Variants in SNX25 observed in about 807,000 individuals in gnomAD.
The protein encoded by SNX25 is sorting nexin 25.
Under a neutral mutation model 113.7 loss-of-function variants are expected in SNX25, and 62 were observed. The observed-to-expected ratio is 0.55, with a 90% CI of 0.44 to 0.67. SNX25 has a LOEUF of 0.67. SNX25 is among the 30% of genes least tolerant of loss of function. The probability of loss-of-function intolerance (pLI) is 0.00; values close to 1 mark genes in which losing one functional copy is unlikely to be tolerated. For synonymous variants in SNX25, 421 were observed against 436.2 expected (o/e 0.97, Z 0.43); for missense variants, 1,014 against 1,161.0 (o/e 0.87, Z 1.84).
At chr4:185,254,097 G>A (rs1323885818) in intron 2 of SNX25, among the ~76,000 whole-genome samples, 1 of 152,142 alleles carries the variant, frequency 6.6e-6, no homozygotes, top group Non-Finnish European at 1.5e-5. Flanking sequence ...GTGGCACAGA[G>A]GAAGCAAGGC....
At chr4:185,286,815 A>G (rs1560970369) in intron 5 of SNX25, among the ~76,000 whole-genome samples, 1 of 152,218 alleles carries the variant, frequency 6.6e-6, no homozygotes, top group Non-Finnish European at 1.5e-5. Flanking sequence ...TCAGCCACTG[A>G]TGTTTATATT....
At chr4:185,367,032 C>T (rs547679344), downstream of SNX25, 64 of 725,808 alleles carry the variant, frequency 8.8e-5, no homozygotes, top group East Asian at 5.2e-5. Flanking sequence ...TAACAGCGTA[C>T]GAATTCAAGA....
chr4:185,222,362 G>T (rs1188183043), intron 1 of SNX25, among the ~76,000 whole-genome samples: 2 of 151,946 alleles, frequency 1.3e-5, no homozygotes, highest in Admixed American at 6.6e-5. Context: ...CAGGTATTCA[G>T]TGCCATATAC....
intron 5 of SNX25, among the ~76,000 whole-genome samples, chr4:185,272,483 G>C (rs1749082905): frequency 6.6e-6 from 1 of 152,170 alleles, no homozygotes. Context: ...ATCCTGCAGT[G>C]CATTTGTAAA....
upstream of SNX25, among the ~76,000 whole-genome samples, chr4:185,207,398 A>T (rs1175301859): frequency 3.3e-5 from 5 of 151,638 alleles, no homozygotes; most frequent in Admixed American, 1.3e-4. Context: ...TTGTATTTTT[A>T]GTAGAGACGG....
Position 185,209,664 on chromosome 4 carries a change from C to A in SNX25, c.-163C>A, listed in dbSNP as rs1407126763. ...CAGCTACGGGCCCAGCGCCTGGTGG[C>A]GGCGCTGAGGGGTCGCCGAGAGGGG... is the stretch of plus-strand genomic sequence containing the variant. On this transcript the variant is annotated 5_prime_UTR_variant, in exon 1 of 19. Coordinates refer to ENST00000652585, the MANE Select transcript of SNX25 (RefSeq NM_001378034.2). This position sits in a 1 kb window ranked among gnomAD's most constrained non-coding sequence, Gnocchi z 5.2. Among the ~76,000 whole-genome samples the A allele has an allele frequency of 6.6e-6, 1 of 151,470 alleles. No individual in the cohort carries two copies. Among genetic ancestry groups the A allele is most frequent in the Non-Finnish European group, 1.5e-5 (1 of 67,794 alleles).
chr4:185,357,154 C>A (rs552839982), intron 15 of SNX25, among the ~76,000 whole-genome samples: 31 of 152,294 alleles, frequency 2.0e-4, no homozygotes, highest in African/African-American at 7.2e-4. Context: ...GCCTCTTCAC[C>A]ATTCACTTAT....
At chr4:185,233,673 T>C (rs377147505) in intron 1 of SNX25, among the ~76,000 whole-genome samples, 2 of 152,294 alleles carry the variant, frequency 1.3e-5, no homozygotes, top group South Asian at 2.1e-4. Flanking sequence ...TATTTTCAAG[T>C]ACATGTTCTG....
At position 185,283,568 on chromosome 4, in the gene SNX25, C is replaced by T. The variant is rs528213772; in HGVS notation, c.1092-4444C>T. ...GATGATCTGGCATTGGCCATACTTACGTACTTAGAAAAACCCTAGAGAAGA... is the reference window on the plus strand; with the variant it reads ...GATGATCTGGCATTGGCCATACTTATGTACTTAGAAAAACCCTAGAGAAGA... On this transcript the variant is annotated intron_variant, in intron 5 of 18. Transcript: ENST00000652585. Among the ~76,000 whole-genome samples the T allele has an allele frequency of 3.1e-4, 47 of 152,206 alleles. No individual in the cohort carries two copies. The East Asian group carries it at 8.9e-3, about 29-fold the overall frequency.
Position 185,259,019 on chromosome 4 carries a change from G to A in SNX25, c.686G>A (p.Arg229Lys). ...AAAGTTGTCTGCAATGATGTTGTGAGGACTTTACTCACTCATTTCTGTGAC... is the reference window on the plus strand; with the variant it reads ...AAAGTTGTCTGCAATGATGTTGTGAAGACTTTACTCACTCATTTCTGTGAC... ...VVKVVCNDVV[R>K]TLLTHFCDLK... The change falls in exon 3 of 19, where the codon AGG (arginine) becomes AAG (lysine). Residue 229 changes from arginine to lysine, a missense_variant. Arg to Lys is a conservative substitution (Grantham distance 26). Coordinates refer to ENST00000652585, the MANE Select transcript of SNX25 (RefSeq NM_001378034.2). The A allele has an allele frequency of 6.2e-7, 1 of 1,614,136 alleles. No homozygotes were observed. The highest frequency in any genetic ancestry group is 8.5e-7 in the Non-Finnish European group (1 of 1,180,022).
chr4:185,323,585 G>C lies in SNX25; in HGVS notation c.1534G>C (p.Glu512Gln). 1 of 1,613,216 alleles carries C rather than the reference G, an allele frequency of 6.2e-7. No individual in the cohort carries two copies. The highest frequency in any genetic ancestry group is 8.5e-7 in the Non-Finnish European group (1 of 1,179,482). ...IYQNFFVESK[E>Q]ISVEKSLYKE... ...TCAGAATTTCTTTGTGGAGAGCAAAGAAATATCTGTGGAAAAATCACTTTA... is the reference window on the plus strand; with the variant it reads ...TCAGAATTTCTTTGTGGAGAGCAAACAAATATCTGTGGAAAAATCACTTTA... Residue 512 changes from glutamate (E) to glutamine (Q), a missense_variant, in exon 9 of 19, where the codon GAA (glutamate) becomes CAA (glutamine). Transcript: ENST00000652585.
upstream of SNX25, among the ~76,000 whole-genome samples, chr4:185,206,385 T>G (rs542574209): frequency 3.3e-5 from 5 of 152,198 alleles, no homozygotes; most frequent in Admixed American, 2.6e-4. Flanking sequence ...GAATGGAAGA[T>G]GTATGCCGGG....
At chr4:185,295,777 T>G (rs148509255) in intron 6 of SNX25, 2 of 152,280 alleles carry the variant, frequency 1.3e-5, no homozygotes, top group African/African-American at 4.8e-5. Context: ...TAATTGATGT[T>G]GTGATGCAAG....
downstream of SNX25, chr4:185,365,671 C>G (rs1472003271): frequency 1.5e-5 from 2 of 134,274 alleles, no homozygotes. Flanking sequence ...GGTCAGGAGA[C>G]TCCGTCTCAA....
At chr4:185,284,591 C>T (rs561290077) in intron 5 of SNX25, among the ~76,000 whole-genome samples, 6 of 152,094 alleles carry the variant, frequency 3.9e-5, no homozygotes, top group South Asian at 4.1e-4. Flanking sequence ...AGAAAAAAAA[C>T]GAAGTTGTTG....
chr4:185,312,901 A>G (rs1177343936), intron 7 of SNX25, among the ~76,000 whole-genome samples: 1 of 152,170 alleles, frequency 6.6e-6, no homozygotes, highest in Non-Finnish European at 1.5e-5. Flanking sequence ...GAGTAAAACC[A>G]TTTCCTCTAA....
At chr4:185,289,097 T>A (rs1290523931) in intron 6 of SNX25, among the ~76,000 whole-genome samples, 1 of 152,048 alleles carries the variant, frequency 6.6e-6, no homozygotes, top group African/African-American at 2.4e-5. Context: ...AATATAGGTA[T>A]AGATTATGAA....
At chr4:185,237,599 C>G (rs3108282) in intron 1 of SNX25, among the ~76,000 whole-genome samples, 2 of 151,916 alleles carry the variant, frequency 1.3e-5, no homozygotes, top group Non-Finnish European at 2.9e-5. Flanking sequence ...GGTGGGCGCT[C>G]TAAGAGCTTT....
chr4:185,305,507 T>C (rs770846419), intron 6 of SNX25, among the ~76,000 whole-genome samples: 3 of 152,244 alleles, frequency 2.0e-5, no homozygotes, highest in Non-Finnish European at 2.9e-5. Context: ...CTTTGCTCTC[T>C]GCTGCCTCAT....
Sources: allele counts gnomAD v4.1 joint callset (sites outside exome capture counted in the v4.1 genomes callset), GRCh38; gene constraint gnomAD v4.1.1; non-coding constraint Gnocchi (gnomAD v3.1); transcripts MANE v1.5; gene names NCBI Gene and HGNC (gene_info 2026-07-23, HGNC 2026-07-21).